The following BTAF1 variants were observed in gnomAD, a reference collection of about 807,000 sequenced individuals.
BTAF1 encodes TATA-binding protein-associated factor 172.
Under a neutral mutation model 227.1 loss-of-function variants are expected in BTAF1, and 38 were observed. That is an observed-to-expected ratio of 0.17 (90% CI 0.13 to 0.22). The LOEUF (loss-of-function observed/expected upper bound fraction) is 0.22. Ranked by LOEUF, BTAF1 falls within the 10% of genes least tolerant of loss-of-function variation. The pLI, the probability that BTAF1 is intolerant of heterozygous loss-of-function variation, is 1.00. For missense variants in BTAF1, 1,598 were observed against 2,204.0 expected (o/e 0.73, Z 5.51); for synonymous variants, 742 against 751.9 (o/e 0.99, Z 0.21).
intron 25 of BTAF1, among the ~76,000 whole-genome samples, chr10:92,001,387 AAGG>A (rs1291627424): frequency 6.6e-6 from 1 of 152,144 alleles, no homozygotes; most frequent in African/African-American, 2.4e-5. Context: ...TCACTGTGGA[AAGG>A]AGTAGGTGGA....
chr10:91,953,359 C>T (rs879604911), intron 5 of BTAF1, among the ~76,000 whole-genome samples: 7 of 152,038 alleles, frequency 4.6e-5, no homozygotes, highest in Non-Finnish European at 7.4e-5. Context: ...TTATTTTTTT[C>T]AGCAGATGGT....
At chr10:91,964,016 G>T in intron 12 of BTAF1, 61 bp from the exon 13 acceptor site, 1 of 1,583,140 alleles carries the variant, frequency 6.3e-7, no homozygotes, top group East Asian at 2.2e-5. Context: ...GATACCATTT[G>T]GCAGGGTTTG....
At chr10:92,005,066 G>T (rs1849787993) in intron 25 of BTAF1, among the ~76,000 whole-genome samples, 3 of 151,986 alleles carry the variant, frequency 2.0e-5, no homozygotes, top group Admixed American at 6.6e-5. Flanking sequence ...TTTATTTCTA[G>T]GCTCTCTAGT....
At chr10:91,959,740 GTATATATATATATA>G (rs200052275) in intron 9 of BTAF1, 31 bp from the exon 10 acceptor site, 686 of 226,278 alleles carry the variant, frequency 3.0e-3, no homozygotes, top group African/African-American at 0.011. Context: ...GTGTGTGTGT[GTATATATATATATA>G]TATATATATA....
Position 91,996,304 on chromosome 10 carries a change from A to G in BTAF1, c.3310-65A>G, listed in dbSNP as rs1034710062. On this transcript the variant is annotated intron_variant, in intron 23 of 37. Coordinates refer to ENST00000265990, the MANE Select transcript of BTAF1 (RefSeq NM_003972.3). ...TTGAAAACTTTCCTGAGTATGGGCT[A>G]TTATAGTTACATATTAAACAGTATT... The G allele has an allele frequency of 8.3e-6, 12 of 1,439,110 alleles. No individual in the cohort carries two copies. In the African/African-American group the frequency reaches 9.9e-5, roughly 12 times the overall value. The allele number at this position is 1,439,110 out of a possible 1,614,324, so 89.1% of individuals were successfully genotyped here. A position where few individuals can be genotyped will look rare whatever the true frequency, so the allele number is the denominator to read the frequency against.
Position 91,997,617 on chromosome 10 carries a change from C to G in BTAF1, c.3526C>G (p.Leu1176Val). The stretch of plus-strand genomic sequence containing the variant: ...CACTTACTCAGGTGTAATGGAACAA[C>G]TAGATGTTGGTATTGTTCCATATAT... Reference protein sequence around the residue: ...IEALACVMEQLDVGIVPYIVL... With the variant: ...IEALACVMEQVDVGIVPYIVL... Residue 1176 changes from leucine (L) to valine (V), a missense_variant, in exon 25 of 38, where the codon CTA becomes GTA. Transcript: ENST00000265990. 1 of 1,613,346 alleles carries G rather than the reference C, an allele frequency of 6.2e-7. No homozygotes were observed. Among genetic ancestry groups the G allele is most frequent in the Non-Finnish European group, 8.5e-7 (1 of 1,179,456 alleles).
intron 20 of BTAF1, among the ~76,000 whole-genome samples, chr10:91,990,157 T>C (rs1480611181): frequency 6.6e-6 from 1 of 152,066 alleles, no homozygotes; most frequent in East Asian, 1.9e-4. Context: ...TTCATATGAC[T>C]CAGTCCTATG....
intron 19 of BTAF1, among the ~76,000 whole-genome samples, chr10:91,984,997 T>G (rs76620118): frequency 5.9e-5 from 9 of 152,174 alleles, no homozygotes; most frequent in Non-Finnish European, 1.2e-4. Flanking sequence ...TATTTTTTTT[T>G]GCTGTTCTGA....
At chr10:91,984,965 T>C (rs934830960) in intron 19 of BTAF1, among the ~76,000 whole-genome samples, 1 of 152,170 alleles carries the variant, frequency 6.6e-6, no homozygotes, top group Non-Finnish European at 1.5e-5. Context: ...TTTATATAAT[T>C]AACTAAAATT....
rs767979170 is a variant in BTAF1, at chr10:92,026,620, C to T, written c.5104C>T (p.Leu1702=). The change falls in exon 36 of 38, where the codon CTG becomes TTG. Residue 1702 remains leucine (L), a synonymous_variant. Transcript: ENST00000265990. ...TAATAATGATCCATCTATAGACGTT[C>T]TGTTACTTACCACTCACGTTGGTGG... ...RFNNDPSIDV[L]LLTTHVGGLG... is the part of the protein sequence containing the mutation. 3.1e-6 allele frequency: 5 copies of T among 1,613,674 alleles called. No homozygotes were observed. Among genetic ancestry groups the T allele is most frequent in the Non-Finnish European group, 4.2e-6 (5 of 1,179,722 alleles).
rs1277246918 is a variant in BTAF1, at chr10:92,029,409, G to A, written c.*476G>A. 1 of 152,368 alleles carries A rather than the reference G, an allele frequency of 6.6e-6. No homozygotes were observed. Among genetic ancestry groups the A allele is most frequent in the Non-Finnish European group, 1.5e-5 (1 of 67,966 alleles). 9.4% of individuals were successfully genotyped at this position (152,368 alleles called of 1,614,324 possible). On this transcript the variant is annotated 3_prime_UTR_variant, in exon 38 of 38. Coordinates refer to ENST00000265990, the MANE Select transcript of BTAF1 (RefSeq NM_003972.3). ...TATAAGAATAATGACTATGATATTG[G>A]TCAGTCTTAGAACATGAAAATGTCA...
intron 20 of BTAF1, among the ~76,000 whole-genome samples, chr10:91,990,891 G>A (rs1848684344): frequency 6.6e-6 from 1 of 152,112 alleles, no homozygotes; most frequent in African/African-American, 2.4e-5. Context: ...CAGATAACTT[G>A]AGGCCAGGAG....
rs996822624 is a variant in BTAF1 at position 92,030,403 on chromosome 10, T to TC, written c.*1471dup. 2.0e-5 allele frequency: 3 copies of TC among 152,412 alleles called. No homozygotes were observed. The highest frequency in any genetic ancestry group is 7.2e-5 in the African/African-American group (3 of 41,468). The allele number at this position is 152,412 out of a possible 1,614,324, so 9.4% of individuals were successfully genotyped here. A position where few individuals can be genotyped will look rare whatever the true frequency, so the allele number is the denominator to read the frequency against. ...ATTATTCAGGTATACAGGTTTTTTT[T>TC]CATTGTTTAGGATTTTAACTCAAAA... On this transcript the variant is annotated 3_prime_UTR_variant, in exon 38 of 38. Coordinates refer to ENST00000265990, the MANE Select transcript of BTAF1 (RefSeq NM_003972.3).
intron 18 of BTAF1, among the ~76,000 whole-genome samples, 153 bp downstream of exon 18, chr10:91,982,914 T>C (rs1443322582): frequency 6.6e-6 from 1 of 152,222 alleles, no homozygotes; most frequent in African/African-American, 2.4e-5. Flanking sequence ...AGATTATTTC[T>C]CTCCCATTTA....
chr10:91,999,949 A>T (rs1247662102), intron 25 of BTAF1, among the ~76,000 whole-genome samples: 1 of 152,206 alleles, frequency 6.6e-6, no homozygotes, highest in African/African-American at 2.4e-5. Flanking sequence ...TCTTGAGGAA[A>T]GGAGAGAGAA....
intron 2 of BTAF1, among the ~76,000 whole-genome samples, chr10:91,938,372 C>T (rs1361390708): frequency 1.3e-5 from 2 of 152,144 alleles, no homozygotes; most frequent in African/African-American, 4.8e-5. Context: ...CCTAAGTTCT[C>T]CTCTAAGAGT....
intron 18 of BTAF1, among the ~76,000 whole-genome samples, chr10:91,983,209 G>A (rs1848185194): frequency 6.6e-6 from 1 of 152,192 alleles, no homozygotes; most frequent in African/African-American, 2.4e-5. Flanking sequence ...TAACATCTCT[G>A]TATTTAAACC....
intron 14 of BTAF1, among the ~76,000 whole-genome samples, chr10:91,979,118 C>T (rs1053673533): frequency 6.6e-6 from 1 of 151,924 alleles, no homozygotes; most frequent in African/African-American, 2.4e-5. Flanking sequence ...AATGGCCTCC[C>T]GCTCCATCCA....
intron 34 of BTAF1, among the ~76,000 whole-genome samples, chr10:92,021,729 A>G (rs926051580): frequency 2.6e-5 from 4 of 151,870 alleles, no homozygotes; most frequent in African/African-American, 9.7e-5. Context: ...TATTTTTAGT[A>G]GAGACAGGGT....
Sources: gnomAD v4.1 joint callset for allele counts (sites outside exome capture counted in the v4.1 genomes callset) on GRCh38, gnomAD v4.1.1 for gene constraint, MANE v1.5 for transcripts, NCBI Gene and HGNC (gene_info 2026-07-23, HGNC 2026-07-21) for gene names.